Variants in MED27 observed in about 807,000 individuals in gnomAD.
MED27 encodes the protein mediator complex subunit 27.
MED27 carries 30 observed loss-of-function variants against 38.2 expected under a neutral mutation model. The observed-to-expected ratio is 0.79, with a 90% CI of 0.59 to 1.07. The LOEUF is 1.07. Among genes scored for constraint, MED27 ranks in the 50% least tolerant of loss-of-function variants. The pLI, the probability that MED27 is intolerant of heterozygous loss-of-function variation, is 0.00. For missense variants in MED27, 289 were observed against 397.5 expected, an observed-to-expected ratio of 0.73 and a Z score of 2.32; for synonymous variants, 122 against 153.5, an observed-to-expected ratio of 0.79 and a Z score of 1.52.
At chr9:132,072,838 T>C (rs1039646474) in intron 2 of MED27, among the ~76,000 whole-genome samples, 5 of 152,074 alleles carry the variant, frequency 3.3e-5, no homozygotes, top group African/African-American at 7.3e-5. Flanking sequence ...AGCAGCTATA[T>C]GGAGAGAAGA....
intron 4 of MED27, among the ~76,000 whole-genome samples, chr9:131,900,278 T>A (rs1441607998): frequency 2.0e-5 from 3 of 152,236 alleles, no homozygotes; most frequent in Non-Finnish European, 4.4e-5. Flanking sequence ...CCGAAACCAG[T>A]GGTCTTCTCT....
At chr9:131,985,792 G>C (rs563854354) in intron 3 of MED27, among the ~76,000 whole-genome samples, 171 of 152,068 alleles carry the variant, frequency 1.1e-3, no homozygotes, top group Middle Eastern at 6.8e-3. Context: ...CCAGAAGAAG[G>C]CATTGTTATC....
At chr9:131,956,392 G>A (rs972431189) in intron 3 of MED27, among the ~76,000 whole-genome samples, 11 of 152,190 alleles carry the variant, frequency 7.2e-5, no homozygotes, top group African/African-American at 2.2e-4. Flanking sequence ...GAGGCGGGCA[G>A]ATCACCTGAG....
chr9:131,904,988 A>G (rs992661491), intron 4 of MED27, among the ~76,000 whole-genome samples: 1 of 152,226 alleles, frequency 6.6e-6, no homozygotes, highest in Non-Finnish European at 1.5e-5. Context: ...TTCACATAAA[A>G]TGTAAAGAAA....
chr9:131,997,925 C>T lies in MED27; in HGVS notation c.479+16412G>A, dbSNP rs1197734618. On this transcript the variant is annotated intron_variant, in intron 3 of 7. Transcript: ENST00000292035. The surrounding 1 kb of genome is among the most constrained non-coding windows in gnomAD (Gnocchi z 4.0). ...ACTGCTTTGGTTGGTGATCTCTCATCTAATTTCTTTGAACTCTGAGTCTAT... is the reference window on the plus strand; with the variant it reads ...ACTGCTTTGGTTGGTGATCTCTCATTTAATTTCTTTGAACTCTGAGTCTAT... 1.3e-5 allele frequency among the ~76,000 whole-genome samples: 2 copies of T among 152,212 alleles called. No individual in the cohort carries two copies. Among genetic ancestry groups the T allele is most frequent in the East Asian group, 1.9e-4 (1 of 5,202 alleles).
intron 4 of MED27, among the ~76,000 whole-genome samples, chr9:131,921,501 C>T (rs551665710): frequency 6.6e-5 from 10 of 152,188 alleles, no homozygotes; most frequent in East Asian, 1.9e-4. Flanking sequence ...GTTAAAATGG[C>T]GATAATTAAA....
intron 3 of MED27, among the ~76,000 whole-genome samples, chr9:131,947,890 A>G (rs1057191129): frequency 6.6e-6 from 1 of 152,252 alleles, no homozygotes; most frequent in African/African-American, 2.4e-5. Flanking sequence ...GGTAATGCCC[A>G]GTAGATATCA....
chr9:131,959,682 T>C (rs1314854199), intron 3 of MED27, among the ~76,000 whole-genome samples: 7 of 152,178 alleles, frequency 4.6e-5, no homozygotes, highest in African/African-American at 1.7e-4. Flanking sequence ...ATAAAGACTG[T>C]CCATCTTTGA....
At chr9:131,961,268 G>T (rs1423739498) in intron 3 of MED27, among the ~76,000 whole-genome samples, 1 of 152,176 alleles carries the variant, frequency 6.6e-6, no homozygotes, top group Non-Finnish European at 1.5e-5. Context: ...AGGCAAGAAG[G>T]CAACACAATG....
chr9:131,961,219 T>C (rs1831208066), intron 3 of MED27, among the ~76,000 whole-genome samples: 1 of 152,206 alleles, frequency 6.6e-6, no homozygotes, highest in Non-Finnish European at 1.5e-5. Context: ...ACCCATCACA[T>C]GCCCGTAAAA....
intron 3 of MED27, among the ~76,000 whole-genome samples, chr9:131,981,907 A>T (rs1002567569): frequency 1.3e-5 from 2 of 152,200 alleles, no homozygotes; most frequent in African/African-American, 4.8e-5. Flanking sequence ...GGGTAAGAAA[A>T]GGGACTCCAG....
chr9:132,056,763 CCT>C (rs1268964647), intron 2 of MED27, among the ~76,000 whole-genome samples: 2 of 152,172 alleles, frequency 1.3e-5, no homozygotes, highest in Admixed American at 1.3e-4. Flanking sequence ...CAGCATAACA[CCT>C]CTGTCTCTGA....
At chr9:131,904,178 C>G (rs139264890) in intron 4 of MED27, among the ~76,000 whole-genome samples, 1 of 151,692 alleles carries the variant, frequency 6.6e-6, no homozygotes, top group African/African-American at 2.4e-5. Context: ...GGATTACAGG[C>G]GTGAGCCACT....
chr9:131,931,615 C>T (rs1219272903), intron 4 of MED27, among the ~76,000 whole-genome samples: 1 of 152,120 alleles, frequency 6.6e-6, no homozygotes, highest in East Asian at 1.9e-4. Flanking sequence ...CCTACAAAAA[C>T]AGCCTTCACC....
At chr9:131,901,274 T>C (rs1269024020) in intron 4 of MED27, among the ~76,000 whole-genome samples, 1 of 152,182 alleles carries the variant, frequency 6.6e-6, no homozygotes, top group African/African-American at 2.4e-5. Context: ...CAATGTCTTG[T>C]TGAAGAAATG....
At position 131,913,172 on chromosome 9, in the gene MED27, CA is replaced by C. The variant is rs1830221289; in HGVS notation, c.574-19181del. 6.6e-6 allele frequency among the ~76,000 whole-genome samples: 1 copy of C among 152,212 alleles called. No homozygotes were observed. Among genetic ancestry groups the C allele is most frequent in the South Asian group, 2.1e-4 (1 of 4,832 alleles). ...AAACCATTATTCTTTTAAAAAACTTCACTCATTTCAATACATTTCCCTTAGT... is the reference window on the plus strand; with the variant it reads ...AAACCATTATTCTTTTAAAAAACTTCCTCATTTCAATACATTTCCCTTAGT... On this transcript the variant is annotated intron_variant, in intron 4 of 7. Transcript: ENST00000292035. The surrounding 1 kb of genome is among the most constrained non-coding windows in gnomAD (Gnocchi z 4.5).
In MED27 at chr9:132,003,890, T is replaced by C. The variant is rs1415964077; in HGVS notation, c.479+10447A>G. ...TTTTCTGTTTAAATGCAGTAGTACT[T>C]TCTGCACCTTTAGATTCCCGGTGTG... On this transcript the variant is annotated intron_variant, in intron 3 of 7. Coordinates refer to ENST00000292035, the MANE Select transcript of MED27 (RefSeq NM_004269.4). The surrounding 1 kb of genome is among the most constrained non-coding windows in gnomAD (Gnocchi z 4.2). Among the ~76,000 whole-genome samples, 1 of 152,140 alleles carries C rather than the reference T, an allele frequency of 6.6e-6. No homozygotes were observed. The highest frequency in any genetic ancestry group is 2.4e-5 in the African/African-American group (1 of 41,408).
At chr9:131,940,171 C>T (rs1282931027) in intron 3 of MED27, among the ~76,000 whole-genome samples, 1 of 151,914 alleles carries the variant, frequency 6.6e-6, no homozygotes, top group Admixed American at 6.6e-5. Flanking sequence ...TCCCAAAGTG[C>T]TGGGATTATA....
chr9:132,079,218 G>A (rs1398720157), intron 1 of MED27, among the ~76,000 whole-genome samples: 1 of 152,114 alleles, frequency 6.6e-6, no homozygotes, highest in African/African-American at 2.4e-5. Flanking sequence ...CGGGGAATTG[G>A]GGCTAATCAG....
Sources: allele counts gnomAD v4.1 joint callset (sites outside exome capture counted in the v4.1 genomes callset), GRCh38; gene constraint gnomAD v4.1.1; non-coding constraint Gnocchi (gnomAD v3.1); transcripts MANE v1.5; gene names NCBI Gene and HGNC (gene_info 2026-07-23, HGNC 2026-07-21).